The following AMZ1 variants were observed in gnomAD, a reference collection of about 807,000 sequenced individuals.
The protein encoded by AMZ1 is archaelysin family metallopeptidase 1.
AMZ1 carries 39 observed loss-of-function variants against 29.9 expected under a neutral mutation model. The observed-to-expected ratio is 1.30, with a 90% CI of 1.01 to 1.70. The LOEUF is 1.70. Ranked by LOEUF, AMZ1 falls within the 40% of genes most tolerant of loss-of-function variation. AMZ1 has a pLI of 0.00. For synonymous variants in AMZ1, 458 were observed against 304.0 expected (o/e 1.51, Z -5.27); for missense variants, 1,041 against 680.6 (o/e 1.53, Z -5.89).
chr7:2,736,872 C>T (rs1790208076), intron 4 of AMZ1, among the ~76,000 whole-genome samples: 1 of 152,260 alleles, frequency 6.6e-6, no homozygotes, highest in South Asian at 2.1e-4. Flanking sequence ...CACGCACTTC[C>T]TTCAGCTAAT....
At chr7:2,747,602 A>C (rs1387052323) in intron 4 of AMZ1, among the ~76,000 whole-genome samples, 2 of 152,218 alleles carry the variant, frequency 1.3e-5, no homozygotes, top group Non-Finnish European at 2.9e-5. Flanking sequence ...TCCCTTTGAA[A>C]ACTGGCACAA....
upstream of AMZ1, among the ~76,000 whole-genome samples, chr7:2,763,980 A>G (rs1442099267): frequency 6.6e-6 from 1 of 152,200 alleles, no homozygotes; most frequent in African/African-American, 2.4e-5. Context: ...GGGCATGAGA[A>G]CAGGGTACGC....
chr7:2,741,454 T>G (rs1171877021), intron 4 of AMZ1, among the ~76,000 whole-genome samples: 1 of 152,166 alleles, frequency 6.6e-6, no homozygotes, highest in East Asian at 1.9e-4. Context: ...ACCCAGCAAG[T>G]GCGGCACCAG....
rs1374591914 is a variant in AMZ1 at position 2,713,903 on chromosome 7, ATCTG to A, written c.*1029_*1032del. 6.6e-6 allele frequency: 1 copy of A among 151,980 alleles called. No individual in the cohort carries two copies. The highest frequency in any genetic ancestry group is 1.5e-5 in the Non-Finnish European group (1 of 68,008). The allele number at this position is 151,980 out of a possible 1,614,324, so 9.4% of individuals were successfully genotyped here. On this transcript the variant is annotated 3_prime_UTR_variant, in exon 7 of 7. Transcript: ENST00000683327. ...AGTAGCTGGAGGTGGTGATCAGATG[ATCTG>A]TCTTTCCTTTTTTTTTCGGTCTAGT...
rs1365617344 is a variant in AMZ1 at position 2,718,317 on chromosome 7, C to G, written c.*5439C>G. Among the ~76,000 whole-genome samples, 4 of 152,196 alleles carry G rather than the reference C, an allele frequency of 2.6e-5. No homozygotes were observed. Among genetic ancestry groups the G allele is most frequent in the Admixed American group, 6.5e-5 (1 of 15,282 alleles). On this transcript the variant is annotated 3_prime_UTR_variant, in exon 7 of 7. Coordinates refer to ENST00000683327, the MANE Select transcript of AMZ1 (RefSeq NM_001384743.1). Reference sequence around the variant, plus strand: ...GGGTGCTCTGCCCGCCACAGTGTGCCTGGTTTTCTGGATACAGCATGACTG... The same window carrying G: ...GGGTGCTCTGCCCGCCACAGTGTGCGTGGTTTTCTGGATACAGCATGACTG...
In AMZ1 at chr7:2,702,880, C is replaced by T. The variant is rs374699485; in HGVS notation, c.463C>T (p.Leu155Phe). Residue 155 changes from leucine to phenylalanine, a missense_variant, in exon 3 of 7, where the codon CTC becomes TTC. Physicochemically the swap from Leu to Phe is conservative, Grantham distance 22. Transcript: ENST00000683327. ...RPSRDSDRLQ[L>F]HTDGILSFLK... The stretch of plus-strand genomic sequence containing the variant: ...CAGCCGGGACTCTGACAGGCTCCAG[C>T]TCCACACAGGTGAGTGAGGACGGCA... 289 of 1,586,532 alleles carry T rather than the reference C, an allele frequency of 1.8e-4. 1 individual carries two copies. Among genetic ancestry groups the T allele is most frequent in the Non-Finnish European group, 2.3e-4 (273 of 1,172,820 alleles).
At chr7:2,699,023 C>T (rs1387977076) in intron 1 of AMZ1, among the ~76,000 whole-genome samples, 1 of 152,120 alleles carries the variant, frequency 6.6e-6, no homozygotes, top group Admixed American at 6.5e-5. Flanking sequence ...TCATAAGGGT[C>T]TATTCACACG....
rs558376774 is a variant in AMZ1, at chr7:2,711,574, C to G, written c.949-756C>G. On this transcript the variant is annotated intron_variant, in intron 6 of 6. Transcript: ENST00000683327. ...GAGAAAACATTTAGGAAGTGAGTTT[C>G]AAGTACTGCCTTTGCTTTACATTTT... 3.2e-4 allele frequency among the ~76,000 whole-genome samples: 48 copies of G among 152,292 alleles called. No individual in the cohort carries two copies. In the South Asian group the frequency reaches 4.8e-3, roughly 15 times the overall value.
intron 1 of AMZ1, among the ~76,000 whole-genome samples, chr7:2,682,348 C>A (rs576984808): frequency 2.6e-5 from 4 of 152,198 alleles, no homozygotes; most frequent in African/African-American, 4.8e-5. Flanking sequence ...TGAGATGACA[C>A]CGGGTGGGCC....
chr7:2,757,366 C>G (rs905596922), intron 4 of AMZ1, among the ~76,000 whole-genome samples: 2 of 152,076 alleles, frequency 1.3e-5, no homozygotes, highest in Non-Finnish European at 2.9e-5. Flanking sequence ...AAGAGGTGCT[C>G]TCCTGCTGAC....
chr7:2,712,329 G>C lies in AMZ1; in HGVS notation c.949-1G>C, dbSNP rs146021264. The C allele has an allele frequency of 4.7e-5, 73 of 1,568,444 alleles. No individual in the cohort carries two copies. Among genetic ancestry groups the C allele is most frequent in the Non-Finnish European group, 6.2e-5 (72 of 1,156,582 alleles). The stretch of plus-strand genomic sequence containing the variant: ...ACTCAGCCTGTGTTTCTCCCTCTTA[G>C]AGACTCTACACCTGGACTCAGGCGG... On this transcript the variant is annotated splice_acceptor_variant, in intron 6 of 6. Transcript: ENST00000683327. LOFTEE classifies it high-confidence loss of function.
At chr7:2,735,353 G>A (rs1037383514) in intron 4 of AMZ1, among the ~76,000 whole-genome samples, 2 of 152,218 alleles carry the variant, frequency 1.3e-5, no homozygotes, top group Admixed American at 1.3e-4. Flanking sequence ...AGGAAGCAGA[G>A]GCAGTTCTCC....
chr7:2,700,742 C>T lies in AMZ1; in HGVS notation c.291C>T (p.Tyr97=). 6.2e-7 allele frequency: 1 copy of T among 1,612,716 alleles called. No homozygotes were observed. Among genetic ancestry groups the T allele is most frequent in the African/African-American group, 1.3e-5 (1 of 75,064 alleles). The part of the protein sequence containing the change: ...RKPRLARKHI[Y]LQPIDLSEEP... ...CCCGCCTGGCTCGGAAGCACATCTACCTACAGCCGATAGGTACGGGACGCC... is the reference window on the plus strand; with the variant it reads ...CCCGCCTGGCTCGGAAGCACATCTATCTACAGCCGATAGGTACGGGACGCC... The change falls in exon 2 of 7, where the codon TAC becomes TAT. Residue 97 remains tyrosine (Y), a synonymous_variant. Coordinates refer to ENST00000683327, the MANE Select transcript of AMZ1 (RefSeq NM_001384743.1).
intron 4 of AMZ1, among the ~76,000 whole-genome samples, chr7:2,726,525 A>G (rs1161958782): frequency 6.6e-6 from 1 of 152,156 alleles, no homozygotes; most frequent in African/African-American, 2.4e-5. Context: ...GAGCCACTAC[A>G]TCATCCAGCA....
chr7:2,732,602 T>C (rs1174305998), intron 4 of AMZ1, among the ~76,000 whole-genome samples: 1 of 151,980 alleles, frequency 6.6e-6, no homozygotes, highest in Admixed American at 6.6e-5. Context: ...CCGTGATGAG[T>C]GCACACACCA....
At chr7:2,736,824 A>C (rs1263847614) in intron 4 of AMZ1, among the ~76,000 whole-genome samples, 1 of 152,226 alleles carries the variant, frequency 6.6e-6, no homozygotes, top group Admixed American at 6.5e-5. Context: ...CTGTCTCTGC[A>C]CACAGCAAGC....
At chr7:2,732,144 A>G (rs1789928789) in intron 4 of AMZ1, among the ~76,000 whole-genome samples, 1 of 152,226 alleles carries the variant, frequency 6.6e-6, no homozygotes, top group Admixed American at 6.5e-5. Flanking sequence ...TTAGGTTTTG[A>G]ATGTGATGTA....
chr7:2,755,576 A>G (rs745696128), intron 4 of AMZ1, among the ~76,000 whole-genome samples: 5 of 152,190 alleles, frequency 3.3e-5, no homozygotes, highest in African/African-American at 4.8e-5. Context: ...AGTAAAATTT[A>G]TATTTTGTAT....
At chr7:2,689,867 C>G (rs980780616) in intron 1 of AMZ1, among the ~76,000 whole-genome samples, 1 of 152,164 alleles carries the variant, frequency 6.6e-6, no homozygotes, top group Non-Finnish European at 1.5e-5. Context: ...AGCTGACCCC[C>G]ACTAAGGCGG....
Sources: allele counts gnomAD v4.1 joint callset (sites outside exome capture counted in the v4.1 genomes callset), GRCh38; gene constraint gnomAD v4.1.1; transcripts MANE v1.5; gene names NCBI Gene and HGNC (gene_info 2026-07-23, HGNC 2026-07-21).